The following WDR37 variants were observed in gnomAD, a reference collection of about 807,000 sequenced individuals.
WDR37 encodes WD repeat domain 37, also known as WD repeat-containing protein 37.
In WDR37, 19 loss-of-function variants were observed where a neutral mutation model predicts 62.9. That is an observed-to-expected ratio of 0.30 (90% CI 0.21 to 0.44). WDR37 has a LOEUF of 0.44. Ranked by LOEUF, WDR37 falls within the 20% of genes least tolerant of loss-of-function variation. The pLI, the probability that WDR37 is intolerant of heterozygous loss-of-function variation, is 1.00. For synonymous variants in WDR37, 250 were observed against 260.9 expected (o/e 0.96, Z 0.40); for missense variants, 474 against 657.6 (o/e 0.72, Z 3.05).
chr10:1,089,904 G>A (rs549244331), intron 7 of WDR37, among the ~76,000 whole-genome samples: 4 of 152,166 alleles, frequency 2.6e-5, no homozygotes, highest in South Asian at 2.1e-4. Flanking sequence ...TTTCTGGCAC[G>A]TTGTCGTGTT....
Position 1,119,135 on chromosome 10 carries a change from C to T in WDR37, c.1104-5083C>T, listed in dbSNP as rs150418213. Reference sequence around the variant, plus strand: ...GTCAAGAGCATATATTTGGAAAATACGTCTGTACAGGCTCCTGCAGATGCA... The same window carrying T: ...GTCAAGAGCATATATTTGGAAAATATGTCTGTACAGGCTCCTGCAGATGCA... On this transcript the variant is annotated intron_variant, in intron 11 of 13. Coordinates refer to ENST00000263150, the MANE Select transcript of WDR37 (RefSeq NM_014023.4). Among the ~76,000 whole-genome samples the T allele has an allele frequency of 5.3e-5, 8 of 152,308 alleles. No individual in the cohort carries two copies. In the East Asian group the frequency reaches 1.2e-3, roughly 22 times the overall value.
chr10:1,061,449 G>T (rs1833371362), intron 1 of WDR37, among the ~76,000 whole-genome samples: 2 of 152,164 alleles, frequency 1.3e-5, no homozygotes, highest in South Asian at 4.1e-4. Flanking sequence ...CATGACACAA[G>T]TGGAAATTTC....
chr10:1,071,574 T>A (rs11250250), intron 1 of WDR37, among the ~76,000 whole-genome samples: 2 of 152,180 alleles, frequency 1.3e-5, no homozygotes, highest in African/African-American at 4.8e-5. Flanking sequence ...GCTGTAAATA[T>A]ACACGCTGAA....
At chr10:1,091,645 T>C (rs975971190) in intron 7 of WDR37, among the ~76,000 whole-genome samples, 9 of 152,222 alleles carry the variant, frequency 5.9e-5, no homozygotes, top group Admixed American at 5.2e-4. Context: ...TTTGCTCTGC[T>C]GACTGGTGCT....
At position 1,103,915 on chromosome 10, in the gene WDR37, C is replaced by T. The variant is rs1834904697; in HGVS notation, c.961+79C>T. ...CCATGGGTTATGTCTGACCTTGCCA[C>T]TTACTTCTTGACCAGAATGAGTCTC... On this transcript the variant is annotated intron_variant, in intron 10 of 13. Transcript: ENST00000263150. This position sits in a 1 kb window ranked among gnomAD's most constrained non-coding sequence, Gnocchi z 6.3. 1 of 1,422,262 alleles carries T rather than the reference C, an allele frequency of 7.0e-7. No individual in the cohort carries two copies. The highest frequency in any genetic ancestry group is 1.3e-5 in the South Asian group (1 of 79,412). The allele number at this position is 1,422,262 out of a possible 1,614,324, so 88.1% of individuals were successfully genotyped here.
intron 7 of WDR37, 23 bp downstream of exon 7, chr10:1,086,380 C>T (rs371905927): frequency 1.4e-5 from 22 of 1,598,928 alleles, no homozygotes; most frequent in Admixed American, 1.4e-4. Flanking sequence ...TAAGGAGTGC[C>T]GTAGCCAGAG....
chr10:1,081,150 G>C (rs1834015992), intron 5 of WDR37, among the ~76,000 whole-genome samples: 1 of 152,172 alleles, frequency 6.6e-6, no homozygotes, highest in Non-Finnish European at 1.5e-5. Context: ...CTTTTCCTCA[G>C]TTTCCTAAGT....
chr10:1,082,482 T>C (rs1015424222), intron 5 of WDR37, among the ~76,000 whole-genome samples: 2 of 152,178 alleles, frequency 1.3e-5, no homozygotes, highest in African/African-American at 4.8e-5. Context: ...TTCTCAAAAA[T>C]ATTTGCAAAC....
At chr10:1,098,326 GTTTT>G (rs34462108) in intron 9 of WDR37, among the ~76,000 whole-genome samples, 5 of 120,296 alleles carry the variant, frequency 4.2e-5, no homozygotes, top group African/African-American at 1.6e-4. Context: ...CCATCTGTCC[GTTTT>G]TTTTTTTTTT....
At chr10:1,058,151 A>G (rs531274200) in intron 1 of WDR37, among the ~76,000 whole-genome samples, 9 of 144,870 alleles carry the variant, frequency 6.2e-5, no homozygotes, top group Non-Finnish European at 1.4e-4. Context: ...CTGCCTTTCT[A>G]TTAATACTGC....
intron 7 of WDR37, among the ~76,000 whole-genome samples, chr10:1,086,624 G>A (rs1035182118): frequency 1.3e-5 from 2 of 152,098 alleles, no homozygotes; most frequent in Non-Finnish European, 2.9e-5. Flanking sequence ...CCCATATGTA[G>A]GAAATTTTGT....
intron 11 of WDR37, among the ~76,000 whole-genome samples, chr10:1,119,366 C>T (rs1835501877): frequency 6.6e-6 from 1 of 152,208 alleles, no homozygotes; most frequent in African/African-American, 2.4e-5. Context: ...AGAGTGTTCT[C>T]ACTGTGCCCC....
At chr10:1,083,758 G>A (rs1377375020) in intron 5 of WDR37, among the ~76,000 whole-genome samples, 2 of 152,182 alleles carry the variant, frequency 1.3e-5, no homozygotes, top group African/African-American at 2.4e-5. Flanking sequence ...CTCCTGCTGG[G>A]CTGAGCATGT....
intron 11 of WDR37, among the ~76,000 whole-genome samples, chr10:1,123,376 A>G (rs1306917824): frequency 6.6e-6 from 1 of 152,060 alleles, no homozygotes; most frequent in African/African-American, 2.4e-5. Flanking sequence ...ATGCTTTTTC[A>G]TTATCTCAAA....
At chr10:1,096,293 C>T (rs774123597) in intron 9 of WDR37, 47 bp downstream of exon 9, 79 of 1,577,912 alleles carry the variant, frequency 5.0e-5, no homozygotes, top group Middle Eastern at 3.3e-4. Context: ...CTGATGTCTG[C>T]GAATCTGAGA....
chr10:1,129,653 A>T lies in WDR37; in HGVS notation c.*309A>T. The T allele has an allele frequency of 4.2e-6, 1 of 235,694 alleles. No homozygotes were observed. The highest frequency in any genetic ancestry group is 5.6e-5 in the Admixed American group (1 of 17,972). The allele number at this position is 235,694 out of a possible 1,614,324, so 14.6% of individuals were successfully genotyped here. ...TTGGACAGGTGAACAGTAGGGCATT[A>T]CATTTGTGTGAATTAAATGTGAACT... On this transcript the variant is annotated 3_prime_UTR_variant, in exon 14 of 14. Transcript: ENST00000263150.
At chr10:1,069,387 A>ATTTTTTTTTTTTTTT (rs1368989652) in intron 1 of WDR37, among the ~76,000 whole-genome samples, 2 of 30,444 alleles carry the variant, frequency 6.6e-5, no homozygotes, top group Non-Finnish European at 1.2e-4. Flanking sequence ...ATATATATAT[A>ATTTTTTTTTTTTTTT]TATTTTTTTT....
chr10:1,119,644 G>A (rs906592734), intron 11 of WDR37, among the ~76,000 whole-genome samples: 19 of 152,210 alleles, frequency 1.2e-4, no homozygotes, highest in Non-Finnish European at 4.4e-5. Flanking sequence ...GTGCTGTTGT[G>A]CGCCTAACAC....
At chr10:1,074,713 C>T (rs1833817525) in intron 2 of WDR37, among the ~76,000 whole-genome samples, 1 of 152,200 alleles carries the variant, frequency 6.6e-6, no homozygotes, top group Non-Finnish European at 1.5e-5. Flanking sequence ...TCGTTCTAGA[C>T]AGTGTAGAGT....
Sources: gnomAD v4.1 joint callset for allele counts (sites outside exome capture counted in the v4.1 genomes callset) on GRCh38, gnomAD v4.1.1 for gene constraint, Gnocchi (gnomAD v3.1) non-coding constraint, MANE v1.5 for transcripts, NCBI Gene and HGNC (gene_info 2026-07-23, HGNC 2026-07-21) for gene names.